MRPS28: variants seen among roughly 807,000 people sequenced by gnomAD.
MRPS28 encodes the protein small ribosomal subunit protein bS1m.
MRPS28 carries 7 observed loss-of-function variants against 10.8 expected under a neutral mutation model. That is an observed-to-expected ratio of 0.65 (90% CI 0.37 to 1.22). MRPS28 has a LOEUF of 1.22. Among genes scored for constraint, MRPS28 ranks in the 50% most tolerant of loss-of-function variants. MRPS28 has a pLI of 0.02. For missense variants in MRPS28, 265 were observed against 232.9 expected (o/e 1.14, Z -0.90); for synonymous variants, 121 against 93.3 (o/e 1.30, Z -1.71).
At chr8:80,017,183 A>G (rs1809218033) in intron 1 of MRPS28, among the ~76,000 whole-genome samples, 1 of 152,250 alleles carries the variant, frequency 6.6e-6, no homozygotes. Context: ...GAGTAAACAA[A>G]TACACGTCTA....
intron 1 of MRPS28, among the ~76,000 whole-genome samples, chr8:80,020,016 C>A (rs571649129): frequency 2.6e-5 from 4 of 152,116 alleles, no homozygotes; most frequent in African/African-American, 9.7e-5. Context: ...TCAATCAATA[C>A]GTGTAAGATG....
At chr8:79,974,324 A>C (rs1417282228) in intron 2 of MRPS28, among the ~76,000 whole-genome samples, 1 of 152,072 alleles carries the variant, frequency 6.6e-6, no homozygotes, top group Non-Finnish European at 1.5e-5. Flanking sequence ...ATGGATCACG[A>C]GGTCAGGAGA....
chr8:79,919,938 C>CCCTCCCG (rs1380585422), intron 2 of MRPS28, among the ~76,000 whole-genome samples: 1 of 11,908 alleles, frequency 8.4e-5, no homozygotes, highest in Non-Finnish European at 1.6e-4. Context: ...CTAATGCTAT[C>CCCTCCCG]CCTCCCCCCA....
intron 2 of MRPS28, among the ~76,000 whole-genome samples, chr8:79,959,725 T>G (rs1338030760): frequency 6.6e-6 from 1 of 152,146 alleles, no homozygotes; most frequent in Non-Finnish European, 1.5e-5. Flanking sequence ...AATCTATTTA[T>G]TTTAGCTAAT....
At chr8:79,942,283 C>A (rs904244358) in intron 2 of MRPS28, among the ~76,000 whole-genome samples, 1 of 152,180 alleles carries the variant, frequency 6.6e-6, no homozygotes, top group East Asian at 1.9e-4. Context: ...GGGAGTGATA[C>A]ACTTGGAAGC....
chr8:79,945,536 G>C (rs1317325478), intron 2 of MRPS28, among the ~76,000 whole-genome samples: 1 of 152,098 alleles, frequency 6.6e-6, no homozygotes. Flanking sequence ...TTTCCTTTTG[G>C]GGTAATGAAA....
intron 2 of MRPS28, among the ~76,000 whole-genome samples, chr8:79,920,817 C>T (rs1437990315): frequency 3.3e-5 from 5 of 152,154 alleles, no homozygotes; most frequent in Non-Finnish European, 7.4e-5. Flanking sequence ...TCAATTTTGG[C>T]TTTTGTTGCC....
At chr8:79,936,610 A>T (rs949974702) in intron 2 of MRPS28, among the ~76,000 whole-genome samples, 1 of 152,194 alleles carries the variant, frequency 6.6e-6, no homozygotes, top group Non-Finnish European at 1.5e-5. Flanking sequence ...ACTATAGGGG[A>T]TTGGTTAAAT....
At chr8:79,952,077 A>C (rs1268227525) in intron 2 of MRPS28, among the ~76,000 whole-genome samples, 1 of 152,206 alleles carries the variant, frequency 6.6e-6, no homozygotes, top group East Asian at 1.9e-4. Flanking sequence ...CCTATTATCA[A>C]CTTCGGAAAA....
intron 2 of MRPS28, among the ~76,000 whole-genome samples, chr8:79,940,889 T>C (rs936409593): frequency 4.6e-5 from 7 of 152,210 alleles, no homozygotes; most frequent in Non-Finnish European, 8.8e-5. Flanking sequence ...GAAAAAGCAA[T>C]GAAGCACGCA....
chr8:79,938,884 T>A (rs1408380316), intron 2 of MRPS28, among the ~76,000 whole-genome samples: 1 of 152,176 alleles, frequency 6.6e-6, no homozygotes. Flanking sequence ...CACAAAATTT[T>A]TACACACATT....
chr8:79,991,790 A>G (rs1808367834), intron 2 of MRPS28, among the ~76,000 whole-genome samples: 1 of 152,242 alleles, frequency 6.6e-6, no homozygotes, highest in Non-Finnish European at 1.5e-5. Context: ...GGCAAAGCCC[A>G]ATTCCCTTTC....
chr8:79,979,659 G>C (rs1389391939), intron 2 of MRPS28, among the ~76,000 whole-genome samples: 1 of 151,880 alleles, frequency 6.6e-6, no homozygotes, highest in African/African-American at 2.4e-5. Flanking sequence ...AAAATGCTGG[G>C]ATTACAGGTG....
intron 2 of MRPS28, among the ~76,000 whole-genome samples, chr8:79,980,842 A>G (rs998583924): frequency 6.6e-6 from 1 of 152,252 alleles, no homozygotes; most frequent in Non-Finnish European, 1.5e-5. Flanking sequence ...GGAAAATTTA[A>G]TAACAATTTA....
chr8:79,990,643 A>G (rs2130119281), intron 2 of MRPS28, among the ~76,000 whole-genome samples: 1 of 152,226 alleles, frequency 6.6e-6, no homozygotes, highest in African/African-American at 2.4e-5. Flanking sequence ...GCAAAAAGAA[A>G]AAGAATAGAA....
chr8:79,925,947 A>G (rs1810221663), intron 2 of MRPS28, among the ~76,000 whole-genome samples: 1 of 151,674 alleles, frequency 6.6e-6, no homozygotes, highest in Non-Finnish European at 1.5e-5. Flanking sequence ...AGATTACACC[A>G]CTACACTCAG....
At chr8:79,919,733 CAATT>C (rs1470079095) in intron 2 of MRPS28, among the ~76,000 whole-genome samples, 1 of 152,134 alleles carries the variant, frequency 6.6e-6, no homozygotes, top group Non-Finnish European at 1.5e-5. Flanking sequence ...TTTAATTTGT[CAATT>C]AAAGTCAGAG....
intron 2 of MRPS28, among the ~76,000 whole-genome samples, chr8:79,984,419 A>T (rs942678201): frequency 1.4e-4 from 21 of 152,160 alleles, no homozygotes; most frequent in Non-Finnish European, 2.5e-4. Flanking sequence ...AATTCACACA[A>T]AACAATATTA....
At chr8:80,026,025 A>G (rs1809486024) in intron 1 of MRPS28, among the ~76,000 whole-genome samples, 1 of 152,202 alleles carries the variant, frequency 6.6e-6, no homozygotes, top group Non-Finnish European at 1.5e-5. Context: ...AGAAAAAGGG[A>G]CTTTTACATT....
Sources: allele counts gnomAD v4.1 joint callset (sites outside exome capture counted in the v4.1 genomes callset), GRCh38; gene constraint gnomAD v4.1.1; transcripts MANE v1.5; gene names NCBI Gene and HGNC (gene_info 2026-07-23, HGNC 2026-07-21).